The following NFIC variants were observed in gnomAD, a reference collection of about 807,000 sequenced individuals.
The protein encoded by NFIC is nuclear factor I C, also known as nuclear factor 1 C-type.
NFIC carries 12 observed loss-of-function variants against 54.4 expected under a neutral mutation model. That is an observed-to-expected ratio of 0.22 (90% CI 0.14 to 0.36). The LOEUF (loss-of-function observed/expected upper bound fraction) is 0.36, where lower values mean the gene tolerates loss of function less well. Ranked by LOEUF, NFIC falls within the 10% of genes least tolerant of loss-of-function variation. The pLI, the probability that NFIC is intolerant of heterozygous loss-of-function variation, is 1.00. For missense variants in NFIC, 575 were observed against 718.2 expected (o/e 0.80, Z 2.28); for synonymous variants, 322 against 319.2 (o/e 1.01, Z -0.09).
chr19:3,371,400 C>G (rs1457533535), intron 1 of NFIC: 1 of 150,292 alleles, frequency 6.7e-6, no homozygotes, highest in East Asian at 2.0e-4. Context: ...TCTTGGCTCA[C>G]TGCAGCCTCC....
At chr19:3,418,991 A>G (rs7257848) in intron 2 of NFIC, among the ~76,000 whole-genome samples, 140,354 of 152,178 alleles carry the variant, frequency 0.92, 64,836 homozygotes, top group African/African-American at 0.95. Flanking sequence ...CAAATACTGC[A>G]AGTCCACTCC....
Position 3,447,010 on chromosome 19 carries a change from A to G in NFIC, c.959-2004A>G, listed in dbSNP as rs140914150. Reference sequence around the variant, plus strand: ...CTCTGCACTCTAGCCTGGGTGACAAATAACTCGGCTGGGTGCAGTGGCTCA... The same window carrying G: ...CTCTGCACTCTAGCCTGGGTGACAAGTAACTCGGCTGGGTGCAGTGGCTCA... On this transcript the variant is annotated intron_variant, in intron 6 of 10. Coordinates refer to ENST00000443272, the MANE Select transcript of NFIC (RefSeq NM_001245002.2). Among the ~76,000 whole-genome samples the G allele has an allele frequency of 1.3e-3, 203 of 151,672 alleles. 2 individuals are homozygous for G. In the East Asian group the frequency reaches 0.019, roughly 14 times the overall value.
intron 2 of NFIC, among the ~76,000 whole-genome samples, chr19:3,383,697 A>G (rs1358394252): frequency 1.3e-5 from 2 of 152,184 alleles, no homozygotes; most frequent in Admixed American, 6.5e-5. Context: ...CCACACACCC[A>G]GGGGCTGCCA....
At chr19:3,393,671 C>A (rs536568284) in intron 2 of NFIC, among the ~76,000 whole-genome samples, 1 of 151,034 alleles carries the variant, frequency 6.6e-6, no homozygotes. Flanking sequence ...AAAAATGAGC[C>A]GGGCGTGGTG....
At chr19:3,363,232 T>TGTGTGTGTGTGC (rs201714015), upstream of NFIC, among the ~76,000 whole-genome samples, 9 of 52,984 alleles carry the variant, frequency 1.7e-4, no homozygotes, top group Non-Finnish European at 2.3e-4. Flanking sequence ...TATGTATGTG[T>TGTGTGTGTGTGC]ATGTGTGTGT....
intron 10 of NFIC, among the ~76,000 whole-genome samples, chr19:3,461,362 G>A (rs1166250769): frequency 6.6e-6 from 1 of 152,080 alleles, no homozygotes; most frequent in East Asian, 1.9e-4. Context: ...GATGGAGGCT[G>A]CAGTGAGCTA....
At chr19:3,380,607 G>C (rs151316451) in intron 1 of NFIC, among the ~76,000 whole-genome samples, 1 of 144,408 alleles carries the variant, frequency 6.9e-6, no homozygotes, top group African/African-American at 2.6e-5. Flanking sequence ...GGGATTACAG[G>C]TGTGAGCCAC....
chr19:3,438,027 G>C (rs1002848389), intron 6 of NFIC, among the ~76,000 whole-genome samples: 1 of 152,038 alleles, frequency 6.6e-6, no homozygotes, highest in Non-Finnish European at 1.5e-5. Context: ...AATTGATGAG[G>C]CTGTCAGAAT....
intron 2 of NFIC, among the ~76,000 whole-genome samples, chr19:3,401,526 G>A (rs1325617669): frequency 2.6e-5 from 4 of 152,170 alleles, no homozygotes; most frequent in African/African-American, 7.2e-5. Flanking sequence ...CCTGCAAGCC[G>A]CACCTGCCTG....
intron 6 of NFIC, 125 bp downstream of exon 6, chr19:3,435,332 C>A: frequency 7.5e-7 from 1 of 1,338,614 alleles, no homozygotes; most frequent in Non-Finnish European, 9.9e-7. Context: ...CGCGGGGCCT[C>A]CTGGGAATTG....
intron 1 of NFIC, among the ~76,000 whole-genome samples, chr19:3,372,867 CAG>C (rs1274439970): frequency 1.3e-5 from 2 of 149,704 alleles, no homozygotes; most frequent in Non-Finnish European, 3.0e-5. Context: ...TTTTTTGAAA[CAG>C]AGTCTCGCTC....
At chr19:3,368,398 C>A (rs999123499) in intron 1 of NFIC, among the ~76,000 whole-genome samples, 1 of 152,114 alleles carries the variant, frequency 6.6e-6, no homozygotes, top group Non-Finnish European at 1.5e-5. Flanking sequence ...ATTGCTAACT[C>A]GGCCTCAGTT....
chr19:3,434,932 CG>C, intron 5 of NFIC, 150 bp from the exon 6 acceptor site: 1 of 1,063,070 alleles, frequency 9.4e-7, no homozygotes. Flanking sequence ...TCGTAGGGAA[CG>C]GGCTGAACGC....
At chr19:3,441,144 T>G (rs367861319) in intron 6 of NFIC, among the ~76,000 whole-genome samples, 4 of 152,236 alleles carry the variant, frequency 2.6e-5, no homozygotes, top group African/African-American at 9.6e-5. Context: ...CCCAACATTT[T>G]AGTCCCAGAC....
rs915445324 is a variant in NFIC at position 3,462,637 on chromosome 19, C to T, written c.1510-115C>T. 3 of 1,184,360 alleles carry T rather than the reference C, an allele frequency of 2.5e-6. No homozygotes were observed. In the African/African-American group the frequency reaches 4.5e-5, roughly 18 times the overall value. 73.4% of individuals were successfully genotyped at this position (1,184,360 alleles called of 1,614,324 possible). ...TGGGGAAACTGAGGTCACAGGGTTG[C>T]AGGAGGTGGGGGGTGAGCGTGGGAA... On this transcript the variant is annotated intron_variant, in intron 10 of 10. Transcript: ENST00000443272.
chr19:3,392,964 G>A (rs1406564022), intron 2 of NFIC, among the ~76,000 whole-genome samples: 1 of 152,088 alleles, frequency 6.6e-6, no homozygotes, highest in Non-Finnish European at 1.5e-5. Flanking sequence ...TTTTGGAGAC[G>A]GAGTTTTGCC....
intron 2 of NFIC, among the ~76,000 whole-genome samples, chr19:3,413,722 C>A (rs2081802870): frequency 6.6e-6 from 1 of 152,122 alleles, no homozygotes. Context: ...TCACTGCAGC[C>A]ATCCCCCGGG....
intron 2 of NFIC, among the ~76,000 whole-genome samples, chr19:3,423,322 C>T (rs998887343): frequency 4.6e-5 from 7 of 152,210 alleles, no homozygotes; most frequent in Admixed American, 1.3e-4. Flanking sequence ...CCCAGCTCTG[C>T]TAAGGCCTGG....
chr19:3,432,377 G>A (rs2082133385), intron 3 of NFIC, among the ~76,000 whole-genome samples: 1 of 152,114 alleles, frequency 6.6e-6, no homozygotes, highest in Non-Finnish European at 1.5e-5. Context: ...AGGCACGAAG[G>A]ACACTGCAGG....
Sources: gnomAD v4.1 joint callset for allele counts (sites outside exome capture counted in the v4.1 genomes callset) on GRCh38, gnomAD v4.1.1 for gene constraint, MANE v1.5 for transcripts, NCBI Gene and HGNC (gene_info 2026-07-23, HGNC 2026-07-21) for gene names.